Variants in ROBO1 observed in about 807,000 individuals in gnomAD.
ROBO1 encodes roundabout guidance receptor 1.
A neutral mutation model predicts 195.9 loss-of-function variants in ROBO1; 149 were observed. That is an observed-to-expected ratio of 0.76 (90% CI 0.67 to 0.87). The LOEUF is 0.87. Ranked by LOEUF, ROBO1 falls within the 40% of genes least tolerant of loss-of-function variation. ROBO1 has a pLI of 0.00. For missense variants in ROBO1, 1,933 were observed against 2,068.3 expected (o/e 0.93, Z 1.27); for synonymous variants, 816 against 733.2 (o/e 1.11, Z -1.82).
chr3:79,101,254 G>A (rs1277402794), intron 3 of ROBO1, among the ~76,000 whole-genome samples: 2 of 151,840 alleles, frequency 1.3e-5, no homozygotes, highest in South Asian at 4.2e-4. Context: ...CAAATTTGGT[G>A]GCCAAGCCAT....
chr3:79,761,253 TA>T (rs1226959732), intron 1 of ROBO1, among the ~76,000 whole-genome samples: 2 of 150,586 alleles, frequency 1.3e-5, no homozygotes, highest in Admixed American at 6.6e-5. Context: ...GAATTAATCA[TA>T]AAAAAATATT....
At chr3:79,187,223 T>C (rs939110021) in intron 2 of ROBO1, among the ~76,000 whole-genome samples, 1 of 152,004 alleles carries the variant, frequency 6.6e-6, no homozygotes, top group Non-Finnish European at 1.5e-5. Flanking sequence ...TTTCTGAGCA[T>C]TAGATCTGTC....
In ROBO1 at chr3:79,373,951, T is replaced by C. The variant is rs547335502; in HGVS notation, c.88+215873A>G. On this transcript the variant is annotated intron_variant, in intron 2 of 30. Coordinates refer to ENST00000464233, the MANE Select transcript of ROBO1 (RefSeq NM_002941.4). ...TTCCTTCATGCATCTGGGGTTTTAA[T>C]TGGCTTTTTATCTTGTATTGACTAT... Among the ~76,000 whole-genome samples the C allele has an allele frequency of 2.6e-5, 4 of 152,338 alleles. No individual in the cohort carries two copies. In the South Asian group the frequency reaches 8.3e-4, roughly 32 times the overall value.
rs989359286 is a variant in ROBO1, at chr3:78,938,775, C to G, written c.325G>C (p.Glu109Gln). 4 of 1,613,884 alleles carry G rather than the reference C, an allele frequency of 2.5e-6. No individual in the cohort carries two copies. Among genetic ancestry groups the G allele is most frequent in the Non-Finnish European group, 2.5e-6 (3 of 1,179,914 alleles). The change falls in exon 4 of 31, where the codon GAG becomes CAG. Residue 109 changes from glutamate (E) to glutamine (Q), a missense_variant. Transcript: ENST00000464233. ...GAGCGAGGGTCATCTTTGTCTGTCT[C>G]CACTCTCTCTCCCCCTTTGTACCAT... is the stretch of plus-strand genomic sequence containing the variant. The part of the protein sequence containing the change: ...IEWYKGGERV[E>Q]TDKDDPRSHR...
At chr3:79,492,118 G>A (rs1406921682) in intron 2 of ROBO1, among the ~76,000 whole-genome samples, 1 of 152,092 alleles carries the variant, frequency 6.6e-6, no homozygotes, top group Admixed American at 6.6e-5. Flanking sequence ...TTAGGACGTA[G>A]TTTTGCACCA....
chr3:79,078,979 T>G (rs1160174870), intron 3 of ROBO1, among the ~76,000 whole-genome samples: 1 of 151,786 alleles, frequency 6.6e-6, no homozygotes, highest in Non-Finnish European at 1.5e-5. Flanking sequence ...CTCTTTAAGA[T>G]AGAAATCATC....
At chr3:78,701,841 C>G (rs1235725577) in intron 8 of ROBO1, among the ~76,000 whole-genome samples, 2 of 152,156 alleles carry the variant, frequency 1.3e-5, no homozygotes, top group Admixed American at 6.6e-5. Context: ...TTTTCCTACT[C>G]TCATAAATCT....
At chr3:79,461,578 T>G (rs772545750) in intron 2 of ROBO1, among the ~76,000 whole-genome samples, 1 of 152,156 alleles carries the variant, frequency 6.6e-6, no homozygotes, top group Non-Finnish European at 1.5e-5. Context: ...CTGACTCTAA[T>G]TGGTACCACA....
intron 2 of ROBO1, among the ~76,000 whole-genome samples, chr3:79,194,057 T>C (rs1369307613): frequency 2.0e-5 from 3 of 151,784 alleles, no homozygotes; most frequent in African/African-American, 7.2e-5. Context: ...ACTCCAGCCC[T>C]GCCATTTCCT....
At chr3:78,676,484 G>C (rs533216242) in intron 10 of ROBO1, among the ~76,000 whole-genome samples, 1 of 152,184 alleles carries the variant, frequency 6.6e-6, no homozygotes, top group Non-Finnish European at 1.5e-5. Context: ...GCCTAAAGGA[G>C]CTGATGGAGC....
chr3:79,046,642 G>A (rs912512131), intron 3 of ROBO1, among the ~76,000 whole-genome samples: 1 of 151,998 alleles, frequency 6.6e-6, no homozygotes, highest in South Asian at 2.1e-4. Flanking sequence ...TGAAAATAAA[G>A]AATTAGGAAG....
intron 2 of ROBO1, among the ~76,000 whole-genome samples, chr3:79,142,432 AAG>A (rs2080547325): frequency 6.6e-6 from 1 of 152,122 alleles, no homozygotes. Flanking sequence ...CAGAAGGAAG[AAG>A]ATTTGAAGGT....
intron 1 of ROBO1, among the ~76,000 whole-genome samples, chr3:79,628,706 C>A (rs1945255051): frequency 6.6e-6 from 1 of 151,962 alleles, no homozygotes; most frequent in African/African-American, 2.4e-5. Context: ...ATAAACTGGC[C>A]AATGGAATTA....
intron 2 of ROBO1, among the ~76,000 whole-genome samples, chr3:79,238,895 T>A (rs80082682): frequency 0.084 from 12,805 of 152,280 alleles, 1,098 homozygotes; most frequent in African/African-American, 0.22. Context: ...TTTGCCTCTA[T>A]TTTCAAAGCT....
chr3:79,381,279 C>A (rs551158617), intron 2 of ROBO1, among the ~76,000 whole-genome samples: 15 of 146,230 alleles, frequency 1.0e-4, no homozygotes, highest in African/African-American at 1.5e-4. Context: ...ATTGCTTGAA[C>A]CCATGAGGCA....
intron 10 of ROBO1, among the ~76,000 whole-genome samples, chr3:78,684,191 G>T (rs2080998520): frequency 6.6e-6 from 1 of 151,882 alleles, no homozygotes; most frequent in South Asian, 2.1e-4. Context: ...AATAAATTGT[G>T]GTCTATTTAT....
At chr3:79,178,941 A>C (rs1381854812) in intron 2 of ROBO1, among the ~76,000 whole-genome samples, 1 of 152,218 alleles carries the variant, frequency 6.6e-6, no homozygotes, top group African/African-American at 2.4e-5. Flanking sequence ...TAACAGAAAG[A>C]AGCTTATGCA....
At chr3:79,383,589 G>A (rs886279513) in intron 2 of ROBO1, among the ~76,000 whole-genome samples, 1 of 152,002 alleles carries the variant, frequency 6.6e-6, no homozygotes, top group Non-Finnish European at 1.5e-5. Flanking sequence ...GAACTGGAAC[G>A]AAGCCACATT....
intron 4 of ROBO1, among the ~76,000 whole-genome samples, chr3:78,876,268 G>A (rs2035841370): frequency 1.3e-5 from 2 of 152,066 alleles, no homozygotes; most frequent in Non-Finnish European, 2.9e-5. Flanking sequence ...TCTACAGAGT[G>A]TAACCAAACA....
Sources: gnomAD v4.1 joint callset for allele counts (sites outside exome capture counted in the v4.1 genomes callset) on GRCh38, gnomAD v4.1.1 for gene constraint, MANE v1.5 for transcripts, NCBI Gene and HGNC (gene_info 2026-07-23, HGNC 2026-07-21) for gene names.